The following NINL variants were observed in gnomAD, a reference collection of about 807,000 sequenced individuals.
NINL encodes ninein-like protein.
A neutral mutation model predicts 160.3 loss-of-function variants in NINL; 153 were observed. That is an observed-to-expected ratio of 0.95 (90% CI 0.84 to 1.09). NINL has a LOEUF of 1.09. Ranked by LOEUF, NINL falls within the 50% of genes least tolerant of loss-of-function variation. The pLI, the probability that NINL is intolerant of heterozygous loss-of-function variation, is 0.00. For missense variants in NINL, 1,829 were observed against 1,764.0 expected (o/e 1.04, Z -0.66); for synonymous variants, 800 against 734.8 (o/e 1.09, Z -1.43).
intron 13 of NINL, among the ~76,000 whole-genome samples, chr20:25,486,045 C>T (rs997619403): frequency 7.9e-5 from 12 of 152,232 alleles, no homozygotes; most frequent in Admixed American, 5.2e-4. Flanking sequence ...AATGTCTACA[C>T]GTTCACATCC....
At chr20:25,502,273 T>G (rs1042042997) in intron 7 of NINL, among the ~76,000 whole-genome samples, 1 of 152,196 alleles carries the variant, frequency 6.6e-6, no homozygotes, top group Non-Finnish European at 1.5e-5. Flanking sequence ...TGAGCCACCA[T>G]GCCCGGCCCT....
chr20:25,516,931 T>C (rs1384199078), intron 3 of NINL, among the ~76,000 whole-genome samples: 1 of 152,136 alleles, frequency 6.6e-6, no homozygotes, highest in Non-Finnish European at 1.5e-5. Flanking sequence ...GCTTACTAAC[T>C]GTGGAATGGT....
chr20:25,486,894 T>C (rs1295867330), intron 13 of NINL, among the ~76,000 whole-genome samples: 1 of 152,238 alleles, frequency 6.6e-6, no homozygotes, highest in East Asian at 1.9e-4. Flanking sequence ...AGCCCATGAA[T>C]TACCAGCTTA....
At chr20:25,485,936 T>G (rs1368507073) in intron 13 of NINL, among the ~76,000 whole-genome samples, 3 of 152,256 alleles carry the variant, frequency 2.0e-5, no homozygotes, top group Non-Finnish European at 4.4e-5. Flanking sequence ...TTGATAATTT[T>G]GAAGAACACT....
rs866034308 is a variant in NINL, at chr20:25,472,324, G to T, written c.3249-2229C>A. 4.6e-3 allele frequency among the ~76,000 whole-genome samples: 384 copies of T among 83,928 alleles called. 2 individuals carry two copies. Among genetic ancestry groups the T allele is most frequent in the Middle Eastern group, 0.026 (3 of 114 alleles). The allele number at this position is 83,928 out of a possible 152,430, so 55.1% of individuals were successfully genotyped here. A position where few individuals can be genotyped will look rare whatever the true frequency, so the allele number is the denominator to read the frequency against. ...ATTGAAGAAAATAGTGGGAGGAGAG[G>T]ATATATATATATATATATATATATA... On this transcript the variant is annotated intron_variant, in intron 17 of 23. Transcript: ENST00000278886.
intron 1 of NINL, among the ~76,000 whole-genome samples, chr20:25,540,493 C>G (rs931115724): frequency 1.3e-5 from 2 of 152,148 alleles, no homozygotes; most frequent in Non-Finnish European, 2.9e-5. Context: ...CTATGCCCCC[C>G]AGAATCCACC....
At chr20:25,462,910 C>A (rs1227328436) in intron 19 of NINL, among the ~76,000 whole-genome samples, 1 of 152,166 alleles carries the variant, frequency 6.6e-6, no homozygotes, top group Non-Finnish European at 1.5e-5. Flanking sequence ...CCATCTCAGC[C>A]TCCCAAAGTG....
chr20:25,532,602 C>T (rs943810117), intron 1 of NINL, among the ~76,000 whole-genome samples: 16 of 152,226 alleles, frequency 1.1e-4, no homozygotes, highest in African/African-American at 3.9e-4. Flanking sequence ...CATTCAGAGC[C>T]GCTCCTCTCC....
intron 16 of NINL, among the ~76,000 whole-genome samples, chr20:25,478,369 G>A (rs1271046771): frequency 6.6e-6 from 1 of 152,204 alleles, no homozygotes; most frequent in East Asian, 1.9e-4. Flanking sequence ...GCAGCAGCCT[G>A]TCTGCGATGA....
At chr20:25,464,632 C>T (rs1325410160) in intron 19 of NINL, among the ~76,000 whole-genome samples, 2 of 152,178 alleles carry the variant, frequency 1.3e-5, no homozygotes, top group Admixed American at 6.5e-5. Context: ...GCCTGCCTCC[C>T]GGGGACAGCA....
Position 25,482,178 on chromosome 20 carries a change from G to C in NINL, c.1678-78C>G. ...GCGAGCTGGCCGAGCTGGCCTCCAG[G>C]GGGGTCCCTTGCAGGTGAGGTGCAC... On this transcript the variant is annotated intron_variant, in intron 13 of 23. Transcript: ENST00000278886. 9.2e-6 allele frequency: 14 copies of C among 1,519,056 alleles called. No homozygotes were observed. The South Asian group carries it at 1.6e-4, about 18-fold the overall frequency. The allele number at this position is 1,519,056 out of a possible 1,614,324, so 94.1% of individuals were successfully genotyped here. A position where few individuals can be genotyped will look rare whatever the true frequency, so the allele number is the denominator to read the frequency against.
At chr20:25,486,210 T>C (rs2063500866) in intron 13 of NINL, among the ~76,000 whole-genome samples, 1 of 152,240 alleles carries the variant, frequency 6.6e-6, no homozygotes, top group Non-Finnish European at 1.5e-5. Context: ...TATAAAAAGT[T>C]TTTAAATATT....
At chr20:25,525,697 T>C (rs2064345922) in intron 2 of NINL, among the ~76,000 whole-genome samples, 1 of 152,120 alleles carries the variant, frequency 6.6e-6, no homozygotes, top group African/African-American at 2.4e-5. Context: ...GGAAAAAATA[T>C]TATTCCTTCA....
intron 19 of NINL, 37 bp downstream of exon 19, chr20:25,467,351 TG>T (rs753665419): frequency 6.3e-6 from 9 of 1,426,934 alleles, no homozygotes; most frequent in African/African-American, 1.4e-5. Context: ...AAAAAAGGAA[TG>T]GTGGCATGAG....
At chr20:25,530,947 T>C (rs900553849) in intron 1 of NINL, among the ~76,000 whole-genome samples, 4 of 152,062 alleles carry the variant, frequency 2.6e-5, no homozygotes, top group African/African-American at 9.7e-5. Context: ...CTGACGAAAA[T>C]TTTATTAGGT....
intron 5 of NINL, 72 bp downstream of exon 5, chr20:25,510,602 A>G (rs1007454237): frequency 2.1e-5 from 28 of 1,359,194 alleles, no homozygotes; most frequent in African/African-American, 7.2e-5. Flanking sequence ...ACACTGCCCA[A>G]TGACCCGGCT....
intron 1 of NINL, among the ~76,000 whole-genome samples, chr20:25,579,326 G>C (rs2065148858): frequency 6.6e-6 from 1 of 152,130 alleles, no homozygotes; most frequent in South Asian, 2.1e-4. Flanking sequence ...TCAGCCTCCT[G>C]CTATGAGTAC....
At position 25,500,835 on chromosome 20, in the gene NINL, C is replaced by T. The variant is rs376949026; in HGVS notation, c.1032+5G>A. The T allele has an allele frequency of 6.2e-7, 1 of 1,612,710 alleles. No individual in the cohort carries two copies. Among genetic ancestry groups the T allele is most frequent in the Non-Finnish European group, 8.5e-7 (1 of 1,179,232 alleles). On this transcript the variant is annotated splice_donor_5th_base_variant and intron_variant, in intron 8 of 23. Coordinates refer to ENST00000278886, the MANE Select transcript of NINL (RefSeq NM_025176.6). ...GTCCAGCTTAGGCATCACCCAGTTC[C>T]AAACCTGCAAGATCTCCCTGCCATT...
intron 23 of NINL, 139 bp from the exon 24 acceptor site, chr20:25,453,781 T>A: frequency 1.4e-6 from 1 of 708,384 alleles, no homozygotes; most frequent in Non-Finnish European, 2.2e-6. Context: ...CCGGGGGCAG[T>A]GGTTCACGCC....
Sources: allele counts gnomAD v4.1 joint callset (sites outside exome capture counted in the v4.1 genomes callset), GRCh38; gene constraint gnomAD v4.1.1; transcripts MANE v1.5; gene names NCBI Gene and HGNC (gene_info 2026-07-23, HGNC 2026-07-21).